DGKB: variants seen among roughly 807,000 people sequenced by gnomAD.
The protein encoded by DGKB is diacylglycerol kinase beta.
In DGKB, 67 loss-of-function variants were observed where a neutral mutation model predicts 114.3. The observed-to-expected ratio is 0.59, with a 90% CI of 0.48 to 0.72. The LOEUF (loss-of-function observed/expected upper bound fraction) is 0.72. DGKB is among the 30% of genes least tolerant of loss of function. The pLI, the probability that DGKB is intolerant of heterozygous loss-of-function variation, is 0.00. For synonymous variants in DGKB, 398 were observed against 323.1 expected (o/e 1.23, Z -2.49); for missense variants, 907 against 975.2 (o/e 0.93, Z 0.93).
intron 1 of DGKB, among the ~76,000 whole-genome samples, chr7:14,974,514 C>A (rs150564576): frequency 4.1e-4 from 62 of 152,162 alleles, no homozygotes; most frequent in African/African-American, 1.5e-3. Context: ...TATCTCAAAA[C>A]TCACCTATCT....
chr7:14,352,951 T>TA (rs143460115), intron 21 of DGKB, among the ~76,000 whole-genome samples: 17 of 151,468 alleles, frequency 1.1e-4, no homozygotes, highest in African/African-American at 3.6e-4. Context: ...ACCAAACAAA[T>TA]AAAAAAAATA....
At position 14,623,397 on chromosome 7, in the gene DGKB, T is replaced by C. The variant is rs145051039; in HGVS notation, c.1168-1903A>G. On this transcript the variant is annotated intron_variant, in intron 14 of 25. Transcript: ENST00000402815. Reference sequence around the variant, plus strand: ...ATGTATGGGGTAACTGAGAAATGTTTTACATGTAAAGGGTATTTAGAGTGA... The same window carrying C: ...ATGTATGGGGTAACTGAGAAATGTTCTACATGTAAAGGGTATTTAGAGTGA... 4.6e-5 allele frequency among the ~76,000 whole-genome samples: 7 copies of C among 152,294 alleles called. 1 individual carries two copies. The East Asian group carries it at 1.4e-3, about 29-fold the overall frequency.
intron 23 of DGKB, among the ~76,000 whole-genome samples, chr7:14,215,669 C>A (rs558606047): frequency 1.2e-4 from 19 of 152,118 alleles, no homozygotes; most frequent in African/African-American, 4.6e-4. Flanking sequence ...AAGTAACTGG[C>A]CTAATTAAAT....
At chr7:14,255,283 G>T (rs1795798757) in intron 23 of DGKB, among the ~76,000 whole-genome samples, 1 of 152,132 alleles carries the variant, frequency 6.6e-6, no homozygotes, top group Non-Finnish European at 1.5e-5. Flanking sequence ...AATTTAGTTA[G>T]AGGTGTTTTA....
At chr7:14,480,410 A>G (rs1782814603) in intron 20 of DGKB, among the ~76,000 whole-genome samples, 1 of 152,056 alleles carries the variant, frequency 6.6e-6, no homozygotes, top group South Asian at 2.1e-4. Context: ...GATAAGGAAC[A>G]ATGACAGCAG....
chr7:14,280,683 A>C (rs531736253), intron 23 of DGKB, among the ~76,000 whole-genome samples: 2 of 151,406 alleles, frequency 1.3e-5, no homozygotes, highest in African/African-American at 4.9e-5. Flanking sequence ...CCTACAAGCC[A>C]GAAGAGAGTG....
intron 4 of DGKB, among the ~76,000 whole-genome samples, chr7:14,737,513 G>A (rs190133613): frequency 1.2e-4 from 19 of 152,012 alleles, no homozygotes; most frequent in African/African-American, 4.6e-4. Context: ...TATTAAATGT[G>A]ACATTCAGGA....
chr7:14,307,308 T>C (rs1307046144), intron 23 of DGKB, among the ~76,000 whole-genome samples: 1 of 152,194 alleles, frequency 6.6e-6, no homozygotes, highest in Non-Finnish European at 1.5e-5. Flanking sequence ...TGATAGTCAT[T>C]TAATATTTTC....
chr7:14,208,198 T>C (rs1787145680), intron 23 of DGKB, among the ~76,000 whole-genome samples: 1 of 152,040 alleles, frequency 6.6e-6, no homozygotes, highest in Non-Finnish European at 1.5e-5. Context: ...TTTAGTGCTA[T>C]GCTTGGCCCA....
intron 21 of DGKB, among the ~76,000 whole-genome samples, chr7:14,392,995 G>GTTTTTTTT (rs1554404748): frequency 1.7e-5 from 1 of 60,548 alleles, no homozygotes; most frequent in Non-Finnish European, 3.4e-5. Context: ...TTTTGTTTTT[G>GTTTTTTTT]TTTTTTTTTT....
intron 20 of DGKB, among the ~76,000 whole-genome samples, chr7:14,479,391 A>AT (rs568852844): frequency 1.0e-3 from 155 of 152,048 alleles, no homozygotes; most frequent in African/African-American, 3.5e-3. Flanking sequence ...GCTAACTGTA[A>AT]TTTTTTTTCT....
At chr7:14,521,876 T>C (rs1350091997) in intron 20 of DGKB, among the ~76,000 whole-genome samples, 2 of 152,182 alleles carry the variant, frequency 1.3e-5, no homozygotes, top group Non-Finnish European at 2.9e-5. Flanking sequence ...TAACAACTCT[T>C]GATTTTTACT....
chr7:14,825,539 G>A (rs375714572), intron 2 of DGKB, among the ~76,000 whole-genome samples: 45 of 152,122 alleles, frequency 3.0e-4, no homozygotes, highest in Middle Eastern at 6.8e-3. Flanking sequence ...TTGTGCTCCC[G>A]TGACATCTAA....
chr7:14,241,140 C>A (rs1232647181), intron 23 of DGKB, among the ~76,000 whole-genome samples: 1 of 152,102 alleles, frequency 6.6e-6, no homozygotes, highest in African/African-American at 2.4e-5. Context: ...TTTCATCTAA[C>A]CTAGCCCCAT....
At chr7:14,355,987 A>C (rs1191785235) in intron 21 of DGKB, among the ~76,000 whole-genome samples, 1 of 152,058 alleles carries the variant, frequency 6.6e-6, no homozygotes, top group East Asian at 1.9e-4. Flanking sequence ...GATTTGACTT[A>C]TTCCTGGTTT....
intron 2 of DGKB, among the ~76,000 whole-genome samples, chr7:14,770,971 G>T (rs1002052252): frequency 1.3e-5 from 2 of 151,946 alleles, no homozygotes; most frequent in Non-Finnish European, 2.9e-5. Context: ...ATTCTTCACA[G>T]GATATGTTTA....
chr7:14,901,605 A>AGCCCCCCCCCCCCCCC (rs1562855781), intron 1 of DGKB, among the ~76,000 whole-genome samples: 1 of 123,094 alleles, frequency 8.1e-6, no homozygotes, highest in Non-Finnish European at 1.7e-5. Context: ...AGGGATTTCC[A>AGCCCCCCCCCCCCCCC]CCCCCCCCCA....
chr7:14,728,890 A>T (rs1192323321), intron 5 of DGKB, among the ~76,000 whole-genome samples: 2 of 151,574 alleles, frequency 1.3e-5, no homozygotes, highest in East Asian at 3.9e-4. Flanking sequence ...TTTAGTAAAG[A>T]CGGGTTTCAC....
chr7:14,636,374 TTCAA>T (rs1487873174), intron 13 of DGKB, among the ~76,000 whole-genome samples: 2 of 151,798 alleles, frequency 1.3e-5, no homozygotes, highest in East Asian at 3.8e-4. Context: ...TGTACACTTA[TTCAA>T]TCAGTGTGAA....
Sources: allele counts gnomAD v4.1 joint callset (sites outside exome capture counted in the v4.1 genomes callset), GRCh38; gene constraint gnomAD v4.1.1; transcripts MANE v1.5; gene names NCBI Gene and HGNC (gene_info 2026-07-23, HGNC 2026-07-21).